SRGAP1: variants seen among roughly 807,000 people sequenced by gnomAD.
SRGAP1 encodes the protein SLIT-ROBO Rho GTPase-activating protein 1.
In SRGAP1, 43 loss-of-function variants were observed where a neutral mutation model predicts 121.9. That is an observed-to-expected ratio of 0.35 (90% CI 0.28 to 0.46). The LOEUF is 0.46. Ranked by LOEUF, SRGAP1 falls within the 20% of genes least tolerant of loss-of-function variation. The pLI is 1.00. For missense variants in SRGAP1, 1,102 were observed against 1,350.9 expected, an observed-to-expected ratio of 0.82 and a Z score of 2.89; for synonymous variants, 447 against 485.4, an observed-to-expected ratio of 0.92 and a Z score of 1.04.
intron 6 of SRGAP1, among the ~76,000 whole-genome samples, chr12:64,049,210 C>G (rs996589545): frequency 6.6e-6 from 1 of 152,118 alleles, no homozygotes; most frequent in African/African-American, 2.4e-5. Context: ...TAGTTTCATT[C>G]TTCTGCATAC....
Position 63,966,850 on chromosome 12 carries a change from T to C in SRGAP1, c.68-17097T>C, listed in dbSNP as rs569175249. On this transcript the variant is annotated intron_variant, in intron 1 of 21. Coordinates refer to ENST00000355086, the MANE Select transcript of SRGAP1 (RefSeq NM_020762.4). ...TAATGGGTAATGAGCTTGGTGACTG[T>C]CTTCCTTTTAGCCTCTGGTTCCCAG... Among the ~76,000 whole-genome samples the C allele has an allele frequency of 5.5e-4, 84 of 152,302 alleles. 1 individual carries two copies. The highest frequency in any genetic ancestry group is 5.0e-3 in the South Asian group (24 of 4,828).
At chr12:64,058,129 G>A (rs766600866) in intron 6 of SRGAP1, among the ~76,000 whole-genome samples, 2 of 152,168 alleles carry the variant, frequency 1.3e-5, no homozygotes, top group African/African-American at 2.4e-5. Flanking sequence ...CCAACTCTCA[G>A]CATTTGTCAC....
intron 1 of SRGAP1, among the ~76,000 whole-genome samples, chr12:63,909,314 A>T (rs1033463119): frequency 1.3e-5 from 2 of 152,248 alleles, no homozygotes; most frequent in Non-Finnish European, 2.9e-5. Context: ...CCAGGATTTT[A>T]TGATCTTTCT....
chr12:64,115,822 C>G lies in SRGAP1; in HGVS notation c.2153C>G (p.Pro718Arg). ...CCATTTGTATTCTACAGCGACAGCC[C>G]ATACAGTGAGCACGGTACATTGGAG... The part of the protein sequence containing the change: ...CMAGDDYCDS[P>R]YSEHGTLEEV... The change falls in exon 18 of 22, where the codon CCA (proline) becomes CGA (arginine). Residue 718 changes from proline (P) to arginine (R), a missense_variant. Physicochemically the swap from Pro to Arg is moderately radical, Grantham distance 103. Coordinates refer to ENST00000355086, the MANE Select transcript of SRGAP1 (RefSeq NM_020762.4). 1 of 1,613,190 alleles carries G rather than the reference C, an allele frequency of 6.2e-7. No homozygotes were observed. The highest frequency in any genetic ancestry group is 8.5e-7 in the Non-Finnish European group (1 of 1,179,474).
chr12:64,117,123 G>A (rs1421914466), intron 18 of SRGAP1, among the ~76,000 whole-genome samples: 1 of 152,206 alleles, frequency 6.6e-6, no homozygotes, highest in African/African-American at 2.4e-5. Context: ...CCAATGGGCA[G>A]GTTGGTGTTT....
chr12:64,068,386 G>C (rs1286863113), intron 8 of SRGAP1, among the ~76,000 whole-genome samples: 1 of 151,788 alleles, frequency 6.6e-6, no homozygotes, highest in East Asian at 2.0e-4. Flanking sequence ...CCCAGGCTGG[G>C]GTGCAGAGGC....
chr12:64,149,138 T>C lies in SRGAP1; in HGVS notation c.*6466T>C, dbSNP rs1232353906. The stretch of plus-strand genomic sequence containing the variant: ...TTAAACTTTGGGTAGTATATGCAGA[T>C]ATCTTTAAACATGGAGAAATGAATG... On this transcript the variant is annotated 3_prime_UTR_variant, in exon 22 of 22. Transcript: ENST00000355086. 1 of 152,238 alleles carries C rather than the reference T, an allele frequency of 6.6e-6. No homozygotes were observed. The highest frequency in any genetic ancestry group is 1.5e-5 in the Non-Finnish European group (1 of 68,048). 9.4% of individuals were successfully genotyped at this position (152,238 alleles called of 1,614,324 possible).
In SRGAP1 at chr12:64,081,650, ATAT is replaced by A. The variant is rs562144549; in HGVS notation, c.1408+1285_1408+1287del. The A allele has an allele frequency of 1.5e-3, 228 of 152,174 alleles. 1 individual carries two copies. Among genetic ancestry groups the A allele is most frequent in the African/African-American group, 4.8e-3 (200 of 41,540 alleles). The allele number at this position is 152,174 out of a possible 1,614,324, so 9.4% of individuals were successfully genotyped here. On this transcript the variant is annotated intron_variant, in intron 10 of 21. Coordinates refer to ENST00000355086, the MANE Select transcript of SRGAP1 (RefSeq NM_020762.4). ...TGAAATACAGACTGTATATTAAATA[ATAT>A]TATTGAATTAGTGTTAATTTTCCTA...
In SRGAP1 at chr12:63,952,020, C is replaced by G. The variant is rs78783004; in HGVS notation, c.68-31927C>G. Among the ~76,000 whole-genome samples, 1,261 of 152,222 alleles carry G rather than the reference C, an allele frequency of 8.3e-3. 13 individuals carry two copies. The highest frequency in any genetic ancestry group is 0.025 in the South Asian group (120 of 4,816). On this transcript the variant is annotated intron_variant, in intron 1 of 21. Transcript: ENST00000355086. The stretch of plus-strand genomic sequence containing the variant: ...AGAGAGTAGGAAGGGGTCAGCTTCT[C>G]ACCTATGGCTCATGCAGAAAATGAC...
rs78745720 is a variant in SRGAP1 at position 63,948,307 on chromosome 12, C to T, written c.68-35640C>T. On this transcript the variant is annotated intron_variant, in intron 1 of 21. Transcript: ENST00000355086. ...TATTCTTCCCACCCAGTCTCTCTTC[C>T]TTCCTGTCATGATTTGAGAAAAACC... Among the ~76,000 whole-genome samples the T allele has an allele frequency of 1.2e-4, 19 of 152,194 alleles. No homozygotes were observed. In the East Asian group the frequency reaches 3.5e-3, roughly 28 times the overall value.
chr12:63,991,664 G>C (rs985552309), intron 3 of SRGAP1, among the ~76,000 whole-genome samples: 3 of 152,116 alleles, frequency 2.0e-5, no homozygotes, highest in African/African-American at 7.2e-5. Flanking sequence ...CATCTCCTAT[G>C]GGCAGGAGAC....
chr12:63,951,968 A>T lies in SRGAP1; in HGVS notation c.68-31979A>T, dbSNP rs570199188. ...TGGAGGTGGGGGTAGGTTAAGTGTG[A>T]TTTAGCCAATTTTTAAAATATGTAA... On this transcript the variant is annotated intron_variant, in intron 1 of 21. Coordinates refer to ENST00000355086, the MANE Select transcript of SRGAP1 (RefSeq NM_020762.4). 1.3e-3 allele frequency among the ~76,000 whole-genome samples: 194 copies of T among 152,172 alleles called. 1 individual carries two copies. The highest frequency in any genetic ancestry group is 4.6e-3 in the African/African-American group (190 of 41,518).
intron 5 of SRGAP1, 52 bp downstream of exon 5, chr12:64,043,024 T>G: frequency 1.4e-5 from 18 of 1,263,522 alleles, no homozygotes; most frequent in Non-Finnish European, 2.0e-5. Flanking sequence ...GAGACAATAC[T>G]AAGAACACTG....
chr12:64,134,918 C>T (rs985378042), intron 21 of SRGAP1, among the ~76,000 whole-genome samples: 20 of 152,104 alleles, frequency 1.3e-4, no homozygotes, highest in Non-Finnish European at 2.1e-4. Context: ...AGGGGCCTGC[C>T]GGGATATTAG....
chr12:63,901,563 C>A (rs1013158366), intron 1 of SRGAP1, among the ~76,000 whole-genome samples: 1 of 152,206 alleles, frequency 6.6e-6, no homozygotes, highest in Non-Finnish European at 1.5e-5. Context: ...GCTCCATAAT[C>A]TTGGCCTATC....
rs748723181 is a variant in SRGAP1, at chr12:64,127,886, C to G, written c.2566C>G (p.Pro856Ala). 9.3e-6 allele frequency: 15 copies of G among 1,612,324 alleles called. No homozygotes were observed. The highest frequency in any genetic ancestry group is 3.3e-5 in the South Asian group (3 of 90,972). Residue 856 changes from proline (P) to alanine (A), a missense_variant, in exon 21 of 22, where the codon CCT (proline) becomes GCT (alanine). Pro to Ala is a conservative substitution (Grantham distance 27). This residue lies in a region of SRGAP1 where 315 missense variants were observed against 343.1 expected (regional missense o/e 0.92). Transcript: ENST00000355086. ...ARQRKRGEPP[P>A]PVRRPGRTSD... Reference sequence around the variant, plus strand: ...GCAACGAAAAAGAGGAGAGCCACCCCCTCCAGTAAGGCGTCCTGGCAGGAC... The same window carrying G: ...GCAACGAAAAAGAGGAGAGCCACCCGCTCCAGTAAGGCGTCCTGGCAGGAC...
At chr12:64,015,967 T>G (rs1005261439) in intron 3 of SRGAP1, among the ~76,000 whole-genome samples, 1 of 152,192 alleles carries the variant, frequency 6.6e-6, no homozygotes, top group Non-Finnish European at 1.5e-5. Context: ...TTGTTGAAAA[T>G]AATATTCAAA....
At chr12:64,086,131 T>A (rs2035933101) in intron 10 of SRGAP1, among the ~76,000 whole-genome samples, 1 of 152,226 alleles carries the variant, frequency 6.6e-6, no homozygotes, top group African/African-American at 2.4e-5. Flanking sequence ...TGAGCTTAGC[T>A]GTTTGTGCTG....
chr12:63,868,692 G>C (rs1410877054), intron 1 of SRGAP1, among the ~76,000 whole-genome samples: 1 of 152,160 alleles, frequency 6.6e-6, no homozygotes, highest in East Asian at 1.9e-4. Flanking sequence ...CAATGGGGGA[G>C]TCCTATTTTA....
Sources: gnomAD v4.1 joint callset for allele counts (sites outside exome capture counted in the v4.1 genomes callset) on GRCh38, gnomAD v4.1.1 for gene constraint, gnomAD v4.1.1 regional missense constraint, MANE v1.5 for transcripts, NCBI Gene and HGNC (gene_info 2026-07-23, HGNC 2026-07-21) for gene names.